TSGA13: variants seen among roughly 807,000 people sequenced by gnomAD.
TSGA13 encodes the protein testis-specific gene 13 protein.
Under a neutral mutation model 35.1 loss-of-function variants are expected in TSGA13, and 37 were observed. The ratio of observed to expected loss-of-function variants is 1.05; its 90% CI spans 0.81 to 1.39. The LOEUF (loss-of-function observed/expected upper bound fraction) is 1.39. TSGA13 is among the 40% of genes most tolerant of loss of function. The pLI is 0.00. For synonymous variants in TSGA13, 124 were observed against 121.2 expected, an observed-to-expected ratio of 1.02 and a Z score of -0.15; for missense variants, 338 against 328.5, an observed-to-expected ratio of 1.03 and a Z score of -0.22.
At position 130,679,300 on chromosome 7, in the gene TSGA13, G is replaced by A. The variant is rs781913526; in HGVS notation, c.242C>T (p.Thr81Ile). The change falls in exon 5 of 8, where the codon ACC becomes ATC. Residue 81 changes from threonine (T) to isoleucine (I), a missense_variant. Transcript: ENST00000356588. ...CTGTGTTACTTTTAACATGAAGCTG[G>A]TGTTTTTCCTGTTTTGAGCCAGGAA... ...QKFLAQNRKN[T>I]SFMLKVTQYD... 1.2e-6 allele frequency: 2 copies of A among 1,614,198 alleles called. No homozygotes were observed. Among genetic ancestry groups the A allele is most frequent in the South Asian group, 2.2e-5 (2 of 91,082 alleles).
intron 4 of TSGA13, 121 bp downstream of exon 4, chr7:130,680,825 G>C (rs1796527750): frequency 1.1e-6 from 1 of 904,068 alleles, no homozygotes; most frequent in African/African-American, 1.7e-5. Context: ...CCTGTCCTAA[G>C]AGTACGCACA....
At chr7:130,685,624 A>G (rs1796642047) in intron 1 of TSGA13, among the ~76,000 whole-genome samples, 3 of 152,224 alleles carry the variant, frequency 2.0e-5, no homozygotes, top group Admixed American at 6.5e-5. Flanking sequence ...TAATTCCATG[A>G]TAGTGATGAG....
intron 7 of TSGA13, among the ~76,000 whole-genome samples, chr7:130,669,560 AG>A (rs1796202917): frequency 6.6e-6 from 1 of 152,206 alleles, no homozygotes; most frequent in African/African-American, 2.4e-5. Flanking sequence ...AGTGTAGCTA[AG>A]AAACTTTGTC....
At position 130,681,643 on chromosome 7, in the gene TSGA13, T is replaced by TTTTTTA. The variant is rs1172976964; in HGVS notation, c.103-632_103-627dup. 2.6e-5 allele frequency among the ~76,000 whole-genome samples: 4 copies of TTTTTTA among 152,304 alleles called. No homozygotes were observed. In the East Asian group the frequency reaches 7.7e-4, roughly 29 times the overall value. On this transcript the variant is annotated intron_variant, in intron 3 of 7. Transcript: ENST00000356588. Reference sequence around the variant, plus strand: ...GTAACACTTGTGTCTACCACTTTGCTTTTTTATTTTTATTTTTATTTTTTT... The same window carrying TTTTTTA: ...GTAACACTTGTGTCTACCACTTTGCTTTTTTATTTTTATTTTTATTTTTATTTTTTT...
At chr7:130,679,993 TC>T (rs1796506398) in intron 4 of TSGA13, among the ~76,000 whole-genome samples, 1 of 152,186 alleles carries the variant, frequency 6.6e-6, no homozygotes, top group Non-Finnish European at 1.5e-5. Flanking sequence ...CAGAGAAGTT[TC>T]TACATGGCTA....
At chr7:130,681,146 A>T in intron 3 of TSGA13, 129 bp from the exon 4 acceptor site, 1 of 722,566 alleles carries the variant, frequency 1.4e-6, no homozygotes, top group Non-Finnish European at 2.3e-6. Context: ...AGAGAAGTAC[A>T]GTTAGAAGTG....
chr7:130,683,716 G>C (rs782597203), intron 2 of TSGA13, 44 bp from the exon 3 acceptor site: 1 of 1,572,882 alleles, frequency 6.4e-7, no homozygotes, highest in South Asian at 1.1e-5. Context: ...CTGGCTCAGA[G>C]GCCTGGACTT....
rs781804116 is a variant in TSGA13, at chr7:130,669,037, T to C, written c.805A>G (p.Lys269Glu). ...GTTCACCCGATGACCGTGGCCTTTT[T>C]GATAATCCACTGCGGGGCCCTCCCG... ...RNGRAPQWIIKKATVIG is the reference protein window; with the variant it reads ...RNGRAPQWIIEKATVIG The change falls in exon 8 of 8, where the codon AAA becomes GAA. Residue 269 changes from lysine (K) to glutamate (E), a missense_variant. Lys to Glu is a moderately conservative substitution (Grantham distance 56). Transcript: ENST00000356588. 2.0e-5 allele frequency: 33 copies of C among 1,614,198 alleles called. No individual in the cohort carries two copies. The highest frequency in any genetic ancestry group is 2.6e-5 in the Non-Finnish European group (31 of 1,180,028).
Position 130,674,169 on chromosome 7 carries a change from C to CTTTTTTTTTTT in TSGA13, c.388-1304_388-1294dup, listed in dbSNP as rs1162370815. Among the ~76,000 whole-genome samples the CTTTTTTTTTTT allele has an allele frequency of 2.0e-3, 196 of 98,438 alleles. 2 individuals are homozygous for CTTTTTTTTTTT. The highest frequency in any genetic ancestry group is 2.9e-3 in the Non-Finnish European group (150 of 50,964). The allele number at this position is 98,438 out of a possible 152,430, so 64.6% of individuals were successfully genotyped here. A position where few individuals can be genotyped will look rare whatever the true frequency, so the allele number is the denominator to read the frequency against. Reference sequence around the variant, plus strand: ...CTTTTCTTCTTTTTTTTCTTTTTTTCTTTTTTTTTTTTTTTTTTTTGAGAT... The same window carrying CTTTTTTTTTTT: ...CTTTTCTTCTTTTTTTTCTTTTTTTCTTTTTTTTTTTTTTTTTTTTTTTTTTTTTTTGAGAT... On this transcript the variant is annotated intron_variant, in intron 5 of 7. Coordinates refer to ENST00000356588, the MANE Select transcript of TSGA13 (RefSeq NM_052933.4).
chr7:130,675,675 G>A (rs1002645049), intron 5 of TSGA13, among the ~76,000 whole-genome samples: 1 of 152,148 alleles, frequency 6.6e-6, no homozygotes, highest in Non-Finnish European at 1.5e-5. Context: ...GAGCCACTGC[G>A]CCAGGCCGGT....
chr7:130,668,713 G>C lies in TSGA13; in HGVS notation c.*301C>G. 2 of 1,510,846 alleles carry C rather than the reference G, an allele frequency of 1.3e-6. No homozygotes were observed. Among genetic ancestry groups the C allele is most frequent in the Non-Finnish European group, 1.8e-6 (2 of 1,129,366 alleles). 93.6% of individuals were successfully genotyped at this position (1,510,846 alleles called of 1,614,324 possible). On this transcript the variant is annotated 3_prime_UTR_variant, in exon 8 of 8. Coordinates refer to ENST00000356588, the MANE Select transcript of TSGA13 (RefSeq NM_052933.4). The stretch of plus-strand genomic sequence containing the variant: ...CCCAGACCCACCGCAACCGTCCCAG[G>C]CGCCGCAGCCGGCGAGCGGAAGAGG...
At chr7:130,684,810 T>C (rs1486204291) in intron 2 of TSGA13, among the ~76,000 whole-genome samples, 2 of 152,198 alleles carry the variant, frequency 1.3e-5, no homozygotes, top group African/African-American at 4.8e-5. Context: ...TTGTGCCCTT[T>C]CATTAAGTTA....
At chr7:130,674,631 G>A (rs1358132659) in intron 5 of TSGA13, among the ~76,000 whole-genome samples, 2 of 152,158 alleles carry the variant, frequency 1.3e-5, no homozygotes, top group African/African-American at 4.8e-5. Flanking sequence ...CAAAGACTGG[G>A]TCTTAGTCAT....
Position 130,685,301 on chromosome 7 carries a change from A to T in TSGA13, c.-91T>A. 4 of 1,590,132 alleles carry T rather than the reference A, an allele frequency of 2.5e-6. No homozygotes were observed. The highest frequency in any genetic ancestry group is 1.3e-5 in the African/African-American group (1 of 74,710). ...AATAGTCCACGTTCTGCAGGGGTTC[A>T]ATTCAATCCAAATATTCTTTCCTTA... On this transcript the variant is annotated 5_prime_UTR_variant, in exon 2 of 8. The change abolishes the stop of an existing upstream ORF in the 5' untranslated region. Coordinates refer to ENST00000356588, the MANE Select transcript of TSGA13 (RefSeq NM_052933.4).
chr7:130,673,823 C>T (rs868969595), intron 5 of TSGA13, among the ~76,000 whole-genome samples: 2 of 152,182 alleles, frequency 1.3e-5, no homozygotes, highest in Non-Finnish European at 2.9e-5. Flanking sequence ...CAACCAGGCA[C>T]GGTGGCTCAT....
chr7:130,685,104 G>C (rs1554465558), intron 2 of TSGA13, 84 bp downstream of exon 2: 9 of 1,348,362 alleles, frequency 6.7e-6, no homozygotes, highest in East Asian at 2.3e-5. Context: ...TCTGTGACCA[G>C]CACCATTCAA....
chr7:130,672,912 A>G, intron 5 of TSGA13, 36 bp from the exon 6 acceptor site: 1 of 1,584,656 alleles, frequency 6.3e-7, no homozygotes, highest in Non-Finnish European at 8.6e-7. Flanking sequence ...TGAGGGAGTA[A>G]GCTGAGTCCC....
chr7:130,685,077 G>T, intron 2 of TSGA13, 111 bp downstream of exon 2: 1 of 1,094,550 alleles, frequency 9.1e-7, no homozygotes, highest in South Asian at 1.4e-5. Flanking sequence ...ATTAAAATAT[G>T]TTTAATGAGA....
intron 4 of TSGA13, 61 bp downstream of exon 4, chr7:130,680,885 C>T (rs1796529971): frequency 1.4e-6 from 2 of 1,447,442 alleles, no homozygotes; most frequent in East Asian, 2.3e-5. Flanking sequence ...TCGCAGTGGG[C>T]ATCTGCACCA....
Sources: gnomAD v4.1 joint callset for allele counts (sites outside exome capture counted in the v4.1 genomes callset) on GRCh38, gnomAD v4.1.1 for gene constraint, MANE v1.5 for transcripts, NCBI Gene and HGNC (gene_info 2026-07-23, HGNC 2026-07-21) for gene names.